DENND6A: variants seen among roughly 807,000 people sequenced by gnomAD.
DENND6A encodes protein DENND6A.
Under a neutral mutation model 95.5 loss-of-function variants are expected in DENND6A, and 43 were observed. That is an observed-to-expected ratio of 0.45 (90% CI 0.35 to 0.58). The LOEUF (loss-of-function observed/expected upper bound fraction) is 0.58, where lower values mean the gene tolerates loss of function less well. DENND6A is among the 20% of genes least tolerant of loss of function. The probability of loss-of-function intolerance (pLI) is 0.00; values close to 1 mark genes in which losing one functional copy is unlikely to be tolerated. For synonymous variants in DENND6A, 257 were observed against 260.4 expected (o/e 0.99, Z 0.13); for missense variants, 574 against 736.0 (o/e 0.78, Z 2.55).
intron 9 of DENND6A, among the ~76,000 whole-genome samples, chr3:57,650,621 A>G (rs1248696646): frequency 6.6e-6 from 1 of 152,160 alleles, no homozygotes; most frequent in African/African-American, 2.4e-5. Flanking sequence ...TGGGAAGAGA[A>G]AATACAAGAT....
intron 11 of DENND6A, among the ~76,000 whole-genome samples, chr3:57,643,789 T>G (rs2153413533): frequency 6.8e-6 from 1 of 146,766 alleles, no homozygotes; most frequent in Middle Eastern, 3.5e-3. Flanking sequence ...GTCATGCCAC[T>G]GCACTCCAGC....
chr3:57,632,893 A>T (rs562908075), intron 15 of DENND6A, among the ~76,000 whole-genome samples: 65 of 152,368 alleles, frequency 4.3e-4, no homozygotes, highest in African/African-American at 1.5e-3. Flanking sequence ...TGTATTCAAG[A>T]TAAGTATCAG....
chr3:57,671,609 T>C (rs1256025279), intron 3 of DENND6A, among the ~76,000 whole-genome samples: 1 of 151,644 alleles, frequency 6.6e-6, no homozygotes, highest in African/African-American at 2.4e-5. Flanking sequence ...GTGTGTGGCC[T>C]GAGAAGCTAA....
At chr3:57,647,006 C>A (rs1052930614) in intron 9 of DENND6A, among the ~76,000 whole-genome samples, 3 of 152,148 alleles carry the variant, frequency 2.0e-5, no homozygotes, top group Non-Finnish European at 4.4e-5. Flanking sequence ...TGTTGGGACA[C>A]AACTCTGCTA....
At chr3:57,660,713 AAT>A in intron 7 of DENND6A, 45 bp downstream of exon 7, 1 of 1,524,158 alleles carries the variant, frequency 6.6e-7, no homozygotes, top group Non-Finnish European at 8.9e-7. Context: ...GTCTCAAAAA[AAT>A]AAAAATAAAA....
chr3:57,663,484 AAAAAT>A (rs2071467527), intron 5 of DENND6A, 147 bp downstream of exon 5: 6 of 202,532 alleles, frequency 3.0e-5, no homozygotes, highest in Non-Finnish European at 4.4e-5. Context: ...AAAAAAAAAA[AAAAAT>A]ATATATATAC....
chr3:57,638,808 A>T (rs2070861847), intron 12 of DENND6A, among the ~76,000 whole-genome samples: 1 of 151,702 alleles, frequency 6.6e-6, no homozygotes, highest in Non-Finnish European at 1.5e-5. Context: ...ATCAAAAAAA[A>T]TGAAAAATAA....
intron 9 of DENND6A, among the ~76,000 whole-genome samples, chr3:57,655,931 A>G (rs918627610): frequency 9.2e-5 from 14 of 152,222 alleles, no homozygotes; most frequent in Non-Finnish European, 1.8e-4. Flanking sequence ...AATTCTGCAA[A>G]TTATTCCTTA....
intron 1 of DENND6A, among the ~76,000 whole-genome samples, chr3:57,684,435 C>T (rs1486227966): frequency 1.3e-5 from 2 of 152,102 alleles, no homozygotes; most frequent in African/African-American, 4.8e-5. Context: ...TGCACTCTAG[C>T]CTGGGTGACA....
intron 1 of DENND6A, among the ~76,000 whole-genome samples, chr3:57,684,459 T>A (rs2077194315): frequency 6.6e-6 from 1 of 151,962 alleles, no homozygotes; most frequent in South Asian, 2.1e-4. Flanking sequence ...CGAGACTCTG[T>A]TTCAAGAAAA....
intron 3 of DENND6A, 76 bp from the exon 4 acceptor site, chr3:57,666,311 GA>G: frequency 2.5e-6 from 3 of 1,177,350 alleles, no homozygotes; most frequent in Non-Finnish European, 2.4e-6. Context: ...TTTTAGAGCT[GA>G]AAAAAATCCT....
chr3:57,651,881 T>G (rs1575835641), intron 9 of DENND6A, among the ~76,000 whole-genome samples: 1 of 151,494 alleles, frequency 6.6e-6, no homozygotes, highest in East Asian at 1.9e-4. Context: ...GAAATCAGAG[T>G]CCAAACAGAT....
Position 57,628,118 on chromosome 3 carries a change from C to A in DENND6A, c.*96G>T. Reference sequence around the variant, plus strand: ...CTAGCATTCATGGCAATTTTCCACTCCGCTGCCACTGAGAGATCTCCTTTG... The same window carrying A: ...CTAGCATTCATGGCAATTTTCCACTACGCTGCCACTGAGAGATCTCCTTTG... On this transcript the variant is annotated 3_prime_UTR_variant, in exon 20 of 20. Coordinates refer to ENST00000311128, the MANE Select transcript of DENND6A (RefSeq NM_152678.3). 1 of 1,514,206 alleles carries A rather than the reference C, an allele frequency of 6.6e-7. No individual in the cohort carries two copies. Among genetic ancestry groups the A allele is most frequent in the Non-Finnish European group, 8.9e-7 (1 of 1,129,232 alleles). The allele number at this position is 1,514,206 out of a possible 1,614,324, so 93.8% of individuals were successfully genotyped here.
At chr3:57,685,708 A>C (rs536594285) in intron 1 of DENND6A, among the ~76,000 whole-genome samples, 3 of 152,310 alleles carry the variant, frequency 2.0e-5, no homozygotes, top group Admixed American at 6.5e-5. Context: ...CTAGATTCTC[A>C]TATCTGCTTC....
rs774442978 is a variant in DENND6A, at chr3:57,657,744, T to G, written c.763-9A>C. On this transcript the variant is annotated splice_polypyrimidine_tract_variant and intron_variant, in intron 8 of 19. Transcript: ENST00000311128. Reference sequence around the variant, plus strand: ...GATATATTTGTGTCCACCTGAGAGATAGAAAAGAAAAATAAAAGAAGGTAT... The same window carrying G: ...GATATATTTGTGTCCACCTGAGAGAGAGAAAAGAAAAATAAAAGAAGGTAT... 2.6e-6 allele frequency: 4 copies of G among 1,560,986 alleles called. No homozygotes were observed. Among genetic ancestry groups the G allele is most frequent in the South Asian group, 1.2e-5 (1 of 85,518 alleles).
chr3:57,658,490 C>T (rs752916045), intron 8 of DENND6A, among the ~76,000 whole-genome samples: 36 of 152,234 alleles, frequency 2.4e-4, no homozygotes, highest in Non-Finnish European at 4.7e-4. Flanking sequence ...ATTGTGCCAC[C>T]GTACTCCAGC....
chr3:57,628,370 T>C (rs1399287359), intron 19 of DENND6A, 25 bp from the exon 20 acceptor site: 24 of 1,607,998 alleles, frequency 1.5e-5, no homozygotes, highest in African/African-American at 2.7e-5. Context: ...TTTCATAACA[T>C]TTAAATTATC....
chr3:57,628,735 G>A lies in DENND6A; in HGVS notation c.1695+76C>T. On this transcript the variant is annotated intron_variant, in intron 19 of 19. Transcript: ENST00000311128. ...AAAAGTTACTTCTGCGAACTATCAT[G>A]GGTTGTCAGCTCACATGAGAGGACA... 3.5e-6 allele frequency: 5 copies of A among 1,441,414 alleles called. No individual in the cohort carries two copies. The South Asian group carries it at 5.0e-5, about 14-fold the overall frequency. The allele number at this position is 1,441,414 out of a possible 1,614,324, so 89.3% of individuals were successfully genotyped here. A position where few individuals can be genotyped will look rare whatever the true frequency, so the allele number is the denominator to read the frequency against.
In DENND6A at chr3:57,657,744, T is replaced by C. The variant is rs774442978; in HGVS notation, c.763-9A>G. 58 of 1,560,870 alleles carry C rather than the reference T, an allele frequency of 3.7e-5. No homozygotes were observed. The Admixed American group carries it at 7.0e-4, about 19-fold the overall frequency. On this transcript the variant is annotated splice_polypyrimidine_tract_variant and intron_variant, in intron 8 of 19. Coordinates refer to ENST00000311128, the MANE Select transcript of DENND6A (RefSeq NM_152678.3). ...GATATATTTGTGTCCACCTGAGAGA[T>C]AGAAAAGAAAAATAAAAGAAGGTAT... is the stretch of plus-strand genomic sequence containing the variant.
Sources: allele counts gnomAD v4.1 joint callset (sites outside exome capture counted in the v4.1 genomes callset), GRCh38; gene constraint gnomAD v4.1.1; transcripts MANE v1.5; gene names NCBI Gene and HGNC (gene_info 2026-07-23, HGNC 2026-07-21).